The following FAM120B variants were observed in gnomAD, a reference collection of about 807,000 sequenced individuals.
FAM120B encodes constitutive coactivator of peroxisome proliferator-activated receptor gamma.
A neutral mutation model predicts 96.3 loss-of-function variants in FAM120B; 83 were observed. The observed-to-expected ratio is 0.86, with a 90% CI of 0.72 to 1.03. FAM120B has a LOEUF of 1.03. Ranked by LOEUF, FAM120B falls within the 50% of genes least tolerant of loss-of-function variation. The pLI is 0.00. For synonymous variants in FAM120B, 407 were observed against 402.7 expected (o/e 1.01, Z -0.13); for missense variants, 1,027 against 1,121.2 (o/e 0.92, Z 1.20).
At chr6:170,322,709 AT>A (rs1562526913) in intron 2 of FAM120B, among the ~76,000 whole-genome samples, 6 of 152,174 alleles carry the variant, frequency 3.9e-5, no homozygotes, top group Admixed American at 2.0e-4. Flanking sequence ...CAGTATGGCA[AT>A]GGTGTGAAGG....
intron 1 of FAM120B, among the ~76,000 whole-genome samples, chr6:170,298,576 G>A (rs1015884548): frequency 4.0e-5 from 6 of 150,404 alleles, no homozygotes; most frequent in Non-Finnish European, 8.8e-5. Flanking sequence ...CATATTTGTC[G>A]GTCATCATCA....
At chr6:170,313,130 A>G (rs1161067585) in intron 1 of FAM120B, among the ~76,000 whole-genome samples, 1 of 152,222 alleles carries the variant, frequency 6.6e-6, no homozygotes, top group Non-Finnish European at 1.5e-5. Context: ...AGACCAACTT[A>G]ACTGGCACCC....
At chr6:170,397,277 G>A (rs910904970) in intron 9 of FAM120B, among the ~76,000 whole-genome samples, 5 of 152,302 alleles carry the variant, frequency 3.3e-5, no homozygotes, top group South Asian at 2.1e-4. Flanking sequence ...GTCCAAATGG[G>A]TGGGTAGAGC....
chr6:170,323,284 G>T, intron 3 of FAM120B, 25 bp downstream of exon 3: 1 of 1,590,874 alleles, frequency 6.3e-7, no homozygotes, highest in Middle Eastern at 1.7e-4. Flanking sequence ...GTCCCTCTTA[G>T]TAAAGGTTCT....
chr6:170,401,156 TCTTGGAAC>T lies in FAM120B; in HGVS notation c.2693-3392_2693-3385del, dbSNP rs548706100. ...GGTCCCTGCCAGGGGAAAGTCTCAC[TCTTGGAAC>T]CCTGTGTGCCTCTGCAGCAGATCCC... On this transcript the variant is annotated intron_variant, in intron 9 of 10. Transcript: ENST00000476287. Among the ~76,000 whole-genome samples, 9 of 152,290 alleles carry T rather than the reference TCTTGGAAC, an allele frequency of 5.9e-5. No homozygotes were observed. The South Asian group carries it at 1.9e-3, about 32-fold the overall frequency.
At chr6:170,391,801 T>TG (rs1422631636) in intron 8 of FAM120B, among the ~76,000 whole-genome samples, 1 of 152,196 alleles carries the variant, frequency 6.6e-6, no homozygotes, top group African/African-American at 2.4e-5. Flanking sequence ...GAAATATACA[T>TG]GGCCTTTAAT....
At chr6:170,347,929 C>T (rs1308993898) in intron 4 of FAM120B, among the ~76,000 whole-genome samples, 2 of 152,008 alleles carry the variant, frequency 1.3e-5, no homozygotes, top group Admixed American at 1.3e-4. Context: ...CAAAATTTAG[C>T]CATTAAAAAA....
Position 170,404,743 on chromosome 6 carries a change from A to T in FAM120B, c.*12-20A>T. On this transcript the variant is annotated intron_variant, in intron 10 of 10. Transcript: ENST00000476287. ...TGGTGCCGAGTTAACTTGGTTTCAA[A>T]ACACTCTTGCTTCCTCCAGAAAGAG... 1.5e-6 allele frequency: 1 copy of T among 677,582 alleles called. No homozygotes were observed. 42.0% of individuals were successfully genotyped at this position (677,582 alleles called of 1,614,324 possible). A position where few individuals can be genotyped will look rare whatever the true frequency, so the allele number is the denominator to read the frequency against.
intron 1 of FAM120B, among the ~76,000 whole-genome samples, chr6:170,313,039 G>A (rs543894352): frequency 6.6e-6 from 1 of 152,316 alleles, no homozygotes; most frequent in South Asian, 2.1e-4. Flanking sequence ...TGGTCAAGAT[G>A]AGAGTCTTTA....
chr6:170,377,992 A>G (rs1267332423), intron 6 of FAM120B, among the ~76,000 whole-genome samples: 2 of 149,060 alleles, frequency 1.3e-5, no homozygotes, highest in African/African-American at 2.5e-5. Context: ...GTTGAAACCA[A>G]AAGGGAAATG....
At chr6:170,327,326 G>A (rs1407023182) in intron 3 of FAM120B, among the ~76,000 whole-genome samples, 5 of 152,148 alleles carry the variant, frequency 3.3e-5, no homozygotes, top group Non-Finnish European at 5.9e-5. Context: ...GATTACAGGC[G>A]TGAGCCACCG....
chr6:170,293,796 C>G (rs1261347676), upstream of FAM120B, among the ~76,000 whole-genome samples: 1 of 148,758 alleles, frequency 6.7e-6, no homozygotes, highest in East Asian at 2.0e-4. Flanking sequence ...GTTCCTCTCT[C>G]CCTCTCTCTT....
intron 3 of FAM120B, among the ~76,000 whole-genome samples, chr6:170,324,473 A>C (rs1397795776): frequency 1.3e-5 from 2 of 152,192 alleles, no homozygotes; most frequent in Non-Finnish European, 2.9e-5. Context: ...TGTGCTCTCT[A>C]CCCGCATTCT....
intron 6 of FAM120B, among the ~76,000 whole-genome samples, chr6:170,368,822 G>GGT (rs200610143): frequency 0.089 from 11,166 of 126,142 alleles, 562 homozygotes; most frequent in Non-Finnish European, 0.13. Flanking sequence ...GCCGGGGCTG[G>GGT]GGGGGGGGCT....
At position 170,377,182 on chromosome 6, in the gene FAM120B, T is replaced by C. The variant is rs149470550; in HGVS notation, c.2284-11105T>C. Among the ~76,000 whole-genome samples the C allele has an allele frequency of 4.4e-4, 35 of 78,900 alleles. No homozygotes were observed. In the East Asian group the frequency reaches 7.8e-3, roughly 18 times the overall value. 51.8% of individuals were successfully genotyped at this position (78,900 alleles called of 152,430 possible). On this transcript the variant is annotated intron_variant, in intron 6 of 10. Transcript: ENST00000476287. Reference sequence around the variant, plus strand: ...GTGCACACGCGTCCCTAAACCCAGATGCCTGGGAGAACACGAGCTCACGCT... The same window carrying C: ...GTGCACACGCGTCCCTAAACCCAGACGCCTGGGAGAACACGAGCTCACGCT...
chr6:170,315,219 A>G (rs78969173), intron 1 of FAM120B, among the ~76,000 whole-genome samples: 7 of 152,326 alleles, frequency 4.6e-5, no homozygotes, highest in Non-Finnish European at 1.0e-4. Context: ...TGTGAGGCTT[A>G]TCTTTGGCCA....
At chr6:170,342,537 C>CA (rs990928065) in intron 4 of FAM120B, among the ~76,000 whole-genome samples, 27 of 152,206 alleles carry the variant, frequency 1.8e-4, no homozygotes, top group African/African-American at 6.0e-4. Context: ...ATGGGGCACT[C>CA]AGGAGGTGCG....
At chr6:170,319,157 T>A in intron 2 of FAM120B, 33 bp downstream of exon 2, 1 of 1,509,732 alleles carries the variant, frequency 6.6e-7, no homozygotes, top group Middle Eastern at 1.8e-4. Context: ...TATGCCATGA[T>A]TGAAAATATA....
intron 8 of FAM120B, among the ~76,000 whole-genome samples, chr6:170,394,716 G>A (rs191713300): frequency 6.6e-6 from 1 of 152,278 alleles, no homozygotes; most frequent in African/African-American, 2.4e-5. Flanking sequence ...CGTGGACACC[G>A]CAGCATGTCC....
Sources: gnomAD v4.1 joint callset for allele counts (sites outside exome capture counted in the v4.1 genomes callset) on GRCh38, gnomAD v4.1.1 for gene constraint, MANE v1.5 for transcripts, NCBI Gene and HGNC (gene_info 2026-07-23, HGNC 2026-07-21) for gene names.